Variants in DOCK2 observed in about 807,000 individuals in gnomAD.
DOCK2 encodes dedicator of cytokinesis protein 2.
A neutral mutation model predicts 248.9 loss-of-function variants in DOCK2; 87 were observed. That is an observed-to-expected ratio of 0.35 (90% confidence interval 0.29 to 0.42). The LOEUF is 0.42. Ranked by LOEUF, DOCK2 falls within the 10% of genes least tolerant of loss-of-function variation. The probability of loss-of-function intolerance (pLI) is 1.00; values close to 1 mark genes in which losing one functional copy is unlikely to be tolerated. For synonymous variants in DOCK2, 805 were observed against 821.6 expected, an observed-to-expected ratio of 0.98 and a Z score of 0.35; for missense variants, 1,747 against 2,300.2, an observed-to-expected ratio of 0.76 and a Z score of 4.92.
chr5:169,700,436 TTAA>T (rs1367988509), intron 13 of DOCK2, among the ~76,000 whole-genome samples: 1 of 152,212 alleles, frequency 6.6e-6, no homozygotes, highest in Non-Finnish European at 1.5e-5. Flanking sequence ...TTTTTATCAC[TTAA>T]TAATTTATTG....
chr5:169,813,220 G>T (rs1767863644), intron 26 of DOCK2, among the ~76,000 whole-genome samples: 1 of 152,188 alleles, frequency 6.6e-6, no homozygotes, highest in Non-Finnish European at 1.5e-5. Flanking sequence ...ATCAAAAATT[G>T]TTATAAATCT....
chr5:169,645,625 T>C (rs1315263954), intron 1 of DOCK2, among the ~76,000 whole-genome samples: 2 of 152,248 alleles, frequency 1.3e-5, no homozygotes, highest in Non-Finnish European at 2.9e-5. Context: ...TCAGTTTAAT[T>C]AGATCCCATT....
At position 169,699,498 on chromosome 5, in the gene DOCK2, C is replaced by T. The variant is rs769612214; in HGVS notation, c.1132+40C>T. On this transcript the variant is annotated intron_variant, in intron 12 of 51. Transcript: ENST00000520908. ...TGCCAGTGGGCTGAGCCTGCTCCAG[C>T]TTGGGAGCCCCTAACTCTTCAGCAA... 2.5e-6 allele frequency: 4 copies of T among 1,580,570 alleles called. No homozygotes were observed. In the Admixed American group the frequency reaches 7.1e-5, roughly 28 times the overall value.
At chr5:170,013,897 T>G (rs1201431150) in intron 32 of DOCK2, among the ~76,000 whole-genome samples, 1 of 152,112 alleles carries the variant, frequency 6.6e-6, no homozygotes, top group Admixed American at 6.5e-5. Context: ...TGGTGATCAT[T>G]GCACTGAATA....
chr5:170,014,849 G>C (rs777705080), intron 32 of DOCK2, among the ~76,000 whole-genome samples: 12 of 152,138 alleles, frequency 7.9e-5, no homozygotes, highest in Non-Finnish European at 1.6e-4. Flanking sequence ...TGAGAGCAAG[G>C]AAAGTCATAG....
chr5:169,814,783 T>A (rs148839564), intron 26 of DOCK2, among the ~76,000 whole-genome samples: 191 of 152,320 alleles, frequency 1.3e-3, no homozygotes, highest in Non-Finnish European at 2.2e-3. Context: ...CAAGTATACT[T>A]ATTTCTATGT....
chr5:170,047,027 G>A (rs568219084), intron 39 of DOCK2, among the ~76,000 whole-genome samples: 7 of 152,206 alleles, frequency 4.6e-5, no homozygotes, highest in East Asian at 1.9e-4. Flanking sequence ...GTTAAAATAC[G>A]AAAAACACAC....
At chr5:169,947,598 C>CT (rs1194734065) in intron 27 of DOCK2, among the ~76,000 whole-genome samples, 1 of 152,206 alleles carries the variant, frequency 6.6e-6, no homozygotes, top group East Asian at 1.9e-4. Context: ...TAAGCTGATG[C>CT]TTTTTTGTCT....
In DOCK2 at chr5:169,996,107, C is replaced by G; in HGVS notation, c.3015C>G (p.Asn1005Lys). Reference protein sequence around the residue: ...VQNRVFLRAINKFAETMNQKF... With the variant: ...VQNRVFLRAIKKFAETMNQKF... Reference sequence around the variant, plus strand: ...CCAGGGTCTTCCTGAGAGCTATCAACAAGTTTGCAGAAACCATGAACCAGA... The same window carrying G: ...CCAGGGTCTTCCTGAGAGCTATCAAGAAGTTTGCAGAAACCATGAACCAGA... Residue 1005 changes from asparagine (N) to lysine (K), a missense_variant, in exon 30 of 52, where the codon AAC (asparagine) becomes AAG (lysine). This residue lies in a region of DOCK2 where 858 missense variants were observed against 1,183.5 expected (regional missense o/e 0.72). Transcript: ENST00000520908. 6.2e-7 allele frequency: 1 copy of G among 1,613,980 alleles called. No homozygotes were observed.
chr5:169,915,897 T>C (rs193249806), intron 27 of DOCK2, among the ~76,000 whole-genome samples: 12 of 152,262 alleles, frequency 7.9e-5, no homozygotes, highest in Admixed American at 7.9e-4. Flanking sequence ...ATGGTATACA[T>C]TGGTTTAGAA....
At chr5:170,014,071 G>A (rs1338477722) in intron 32 of DOCK2, among the ~76,000 whole-genome samples, 1 of 152,148 alleles carries the variant, frequency 6.6e-6, no homozygotes, top group African/African-American at 2.4e-5. Flanking sequence ...TTGGAAGGAG[G>A]ACTATGTCAG....
intron 22 of DOCK2, among the ~76,000 whole-genome samples, chr5:169,724,323 A>G (rs1463016759): frequency 6.6e-6 from 1 of 152,202 alleles, no homozygotes; most frequent in East Asian, 1.9e-4. Flanking sequence ...GTGGTCAGGA[A>G]AGGCATCCTT....
At chr5:169,803,265 T>C (rs1581211834) in intron 26 of DOCK2, 59 bp downstream of exon 26, 6 of 1,565,136 alleles carry the variant, frequency 3.8e-6, no homozygotes, top group South Asian at 1.2e-5. Flanking sequence ...GTTGATTACA[T>C]TGTGAAATAT....
In DOCK2 at chr5:169,639,902, C is replaced by T. The variant is rs140784646; in HGVS notation, c.43+2533C>T. ...AATACCACCAACTGGGTGGCTTAAA[C>T]AACAGAAATGTATTTTCTCACAGTT... On this transcript the variant is annotated intron_variant, in intron 1 of 51. Coordinates refer to ENST00000520908, the MANE Select transcript of DOCK2 (RefSeq NM_004946.3). 3.0e-4 allele frequency among the ~76,000 whole-genome samples: 45 copies of T among 152,296 alleles called. No individual in the cohort carries two copies. In the East Asian group the frequency reaches 8.1e-3, roughly 27 times the overall value.
intron 1 of DOCK2, among the ~76,000 whole-genome samples, chr5:169,652,821 T>A (rs1757878695): frequency 6.6e-6 from 1 of 152,100 alleles, no homozygotes; most frequent in South Asian, 2.1e-4. Context: ...GTGGTCTCTG[T>A]GATGCAAAAG....
intron 25 of DOCK2, among the ~76,000 whole-genome samples, chr5:169,762,137 G>T (rs1428461650): frequency 2.0e-5 from 3 of 152,112 alleles, no homozygotes; most frequent in Admixed American, 1.3e-4. Context: ...AAATGAAAAG[G>T]TATGAAAGGG....
At chr5:169,671,582 T>C (rs1759052978) in intron 5 of DOCK2, among the ~76,000 whole-genome samples, 1 of 152,252 alleles carries the variant, frequency 6.6e-6, no homozygotes, top group South Asian at 2.1e-4. Flanking sequence ...AACCAATGGC[T>C]ATTGTCCTCA....
intron 27 of DOCK2, among the ~76,000 whole-genome samples, chr5:169,959,323 C>G (rs369597181): frequency 4.6e-5 from 7 of 151,482 alleles, no homozygotes; most frequent in Admixed American, 2.0e-4. Context: ...AACCTGAGAT[C>G]ACACCACTGC....
At chr5:169,989,550 G>A (rs1346917970) in intron 29 of DOCK2, among the ~76,000 whole-genome samples, 2 of 152,170 alleles carry the variant, frequency 1.3e-5, no homozygotes, top group Admixed American at 6.5e-5. Context: ...GAGGGCTTAC[G>A]GTCTAGCTGG....
Sources: gnomAD v4.1 joint callset for allele counts (sites outside exome capture counted in the v4.1 genomes callset) on GRCh38, gnomAD v4.1.1 for gene constraint, gnomAD v4.1.1 regional missense constraint, MANE v1.5 for transcripts, NCBI Gene and HGNC (gene_info 2026-07-23, HGNC 2026-07-21) for gene names.